CARMIL1: variants seen among roughly 807,000 people sequenced by gnomAD.
CARMIL1 encodes the protein F-actin-uncapping protein LRRC16A.
CARMIL1 carries 90 observed loss-of-function variants against 177.1 expected under a neutral mutation model. The ratio of observed to expected loss-of-function variants is 0.51; its 90% CI spans 0.43 to 0.61. The LOEUF (loss-of-function observed/expected upper bound fraction) is 0.61. Among genes scored for constraint, CARMIL1 ranks in the 20% least tolerant of loss-of-function variants. The pLI, the probability that CARMIL1 is intolerant of heterozygous loss-of-function variation, is 0.00. For synonymous variants in CARMIL1, 577 were observed against 606.2 expected (o/e 0.95, Z 0.71); for missense variants, 1,380 against 1,667.0 (o/e 0.83, Z 3.00).
At chr6:25,494,980 T>A in intron 15 of CARMIL1, 131 bp from the exon 16 acceptor site, 1 of 594,220 alleles carries the variant, frequency 1.7e-6, no homozygotes, top group South Asian at 2.3e-5. Flanking sequence ...TTTGGACATT[T>A]ATTTGTTTCC....
chr6:25,317,956 C>G (rs981409851), intron 2 of CARMIL1, among the ~76,000 whole-genome samples: 3 of 152,080 alleles, frequency 2.0e-5, no homozygotes, highest in African/African-American at 7.2e-5. Flanking sequence ...TCTCAAATTC[C>G]TTTTGGAAGT....
chr6:25,447,832 C>A (rs1194318889), intron 5 of CARMIL1, among the ~76,000 whole-genome samples: 8 of 152,022 alleles, frequency 5.3e-5, no homozygotes, highest in Admixed American at 5.2e-4. Context: ...CTTCTGCCAC[C>A]CCCATCCTGC....
chr6:25,529,118 A>T (rs1005511230), intron 24 of CARMIL1, among the ~76,000 whole-genome samples: 3 of 152,246 alleles, frequency 2.0e-5, no homozygotes, highest in Admixed American at 6.5e-5. Flanking sequence ...ATTGCCAGTA[A>T]GATAGGTTTC....
chr6:25,307,827 G>A (rs767161809), intron 2 of CARMIL1, among the ~76,000 whole-genome samples: 3 of 152,318 alleles, frequency 2.0e-5, no homozygotes, highest in South Asian at 4.1e-4. Context: ...TGAAGTGTAA[G>A]CCTCTTTTTT....
intron 26 of CARMIL1, among the ~76,000 whole-genome samples, chr6:25,542,354 A>G (rs1171573137): frequency 6.6e-6 from 1 of 152,218 alleles, no homozygotes; most frequent in Non-Finnish European, 1.5e-5. Flanking sequence ...GCCTAAAATA[A>G]TATAAATATA....
chr6:25,419,059 G>T (rs958632243), intron 2 of CARMIL1, among the ~76,000 whole-genome samples: 2 of 152,222 alleles, frequency 1.3e-5, no homozygotes, highest in African/African-American at 4.8e-5. Flanking sequence ...GCACAGCCTT[G>T]ATTGACTTTC....
intron 17 of CARMIL1, among the ~76,000 whole-genome samples, chr6:25,505,317 A>ATG (rs1804804917): frequency 6.6e-6 from 1 of 152,154 alleles, no homozygotes; most frequent in Non-Finnish European, 1.5e-5. Context: ...GTTCAGAGAA[A>ATG]TGTGTGTGTT....
At chr6:25,616,252 T>C (rs116326987) in intron 36 of CARMIL1, among the ~76,000 whole-genome samples, 3,048 of 152,250 alleles carry the variant, frequency 0.02, 42 homozygotes, top group Middle Eastern at 0.037. Context: ...TTGTAAAAAG[T>C]CTAAATCTTA....
In CARMIL1 at chr6:25,606,380, A is replaced by C; in HGVS notation, c.3847+107A>C. On this transcript the variant is annotated intron_variant, in intron 35 of 36. Transcript: ENST00000329474. ...CAGGGGCAGCTGGTGAGCGAGGTAC[A>C]GCGGCTTCTGCAGGAGGGGATCACA... 4.1e-6 allele frequency: 4 copies of C among 984,320 alleles called. 1 individual carries two copies. In the South Asian group the frequency reaches 6.7e-5, roughly 17 times the overall value. The allele number at this position is 984,320 out of a possible 1,614,324, so 61.0% of individuals were successfully genotyped here. A position where few individuals can be genotyped will look rare whatever the true frequency, so the allele number is the denominator to read the frequency against.
chr6:25,519,843 C>A (rs1806372281), intron 22 of CARMIL1, among the ~76,000 whole-genome samples: 1 of 152,152 alleles, frequency 6.6e-6, no homozygotes. Flanking sequence ...CACATAATCA[C>A]TGTGGGGACC....
At chr6:25,395,953 G>A (rs1328264) in intron 2 of CARMIL1, among the ~76,000 whole-genome samples, 93,327 of 152,004 alleles carry the variant, frequency 0.61, 29,318 homozygotes, top group African/African-American at 0.73. Context: ...CAGATCTTGC[G>A]TACAGTTTCT....
chr6:25,490,452 C>T (rs568885876), intron 13 of CARMIL1, among the ~76,000 whole-genome samples: 10 of 152,224 alleles, frequency 6.6e-5, no homozygotes, highest in African/African-American at 2.4e-4. Context: ...AATTCCAGCA[C>T]TTTTGGAGGC....
intron 2 of CARMIL1, among the ~76,000 whole-genome samples, chr6:25,368,756 T>G (rs1210898548): frequency 6.6e-6 from 1 of 152,176 alleles, no homozygotes; most frequent in Non-Finnish European, 1.5e-5. Context: ...TTAATGAGAT[T>G]TTACATGTCT....
intron 26 of CARMIL1, among the ~76,000 whole-genome samples, chr6:25,540,890 A>G (rs2151134807): frequency 6.6e-6 from 1 of 152,294 alleles, no homozygotes; most frequent in East Asian, 1.9e-4. Flanking sequence ...AATGAAGGAG[A>G]AAATGTGGGG....
chr6:25,399,631 C>A (rs1230510815), intron 2 of CARMIL1, among the ~76,000 whole-genome samples: 1 of 152,122 alleles, frequency 6.6e-6, no homozygotes, highest in East Asian at 1.9e-4. Context: ...AAAAATGATG[C>A]TAATGAATGT....
intron 13 of CARMIL1, among the ~76,000 whole-genome samples, chr6:25,490,749 AT>A (rs1341865777): frequency 1.1e-4 from 4 of 37,734 alleles, no homozygotes; most frequent in African/African-American, 1.8e-4. Flanking sequence ...AAATAAATAA[AT>A]AAAAAAAAAT....
chr6:25,616,062 A>G (rs1311853864), intron 36 of CARMIL1, among the ~76,000 whole-genome samples: 3 of 152,186 alleles, frequency 2.0e-5, no homozygotes, highest in Admixed American at 6.5e-5. Flanking sequence ...CTTATCTTCT[A>G]TTAACTTTAG....
chr6:25,301,773 A>T (rs144596507), intron 2 of CARMIL1, among the ~76,000 whole-genome samples: 1 of 152,288 alleles, frequency 6.6e-6, no homozygotes, highest in East Asian at 1.9e-4. Flanking sequence ...GTATTACAGG[A>T]GAGAATGGGA....
At chr6:25,459,277 T>TCTTTCTTTCTTTCTTTCTTTCTTTC (rs1450322009) in intron 8 of CARMIL1, among the ~76,000 whole-genome samples, 1 of 139,594 alleles carries the variant, frequency 7.2e-6, no homozygotes, top group Non-Finnish European at 1.6e-5. Flanking sequence ...TTTTTTTTTT[T>TCTTTCTTTCTTTCTTTCTTTCTTTC]TTTAAGACAG....
Sources: gnomAD v4.1 joint callset for allele counts (sites outside exome capture counted in the v4.1 genomes callset) on GRCh38, gnomAD v4.1.1 for gene constraint, MANE v1.5 for transcripts, NCBI Gene and HGNC (gene_info 2026-07-23, HGNC 2026-07-21) for gene names.